The following MPPED1 variants were observed in gnomAD, a reference collection of about 807,000 sequenced individuals.
MPPED1 encodes metallophosphoesterase domain containing 1, also known as metallophosphoesterase domain-containing protein 1.
A neutral mutation model predicts 36.2 loss-of-function variants in MPPED1; 16 were observed. The ratio of observed to expected loss-of-function variants is 0.44; its 90% CI spans 0.30 to 0.67. The LOEUF is 0.67. Ranked by LOEUF, MPPED1 falls within the 30% of genes least tolerant of loss-of-function variation. MPPED1 has a pLI of 0.10. For missense variants in MPPED1, 307 were observed against 453.4 expected (o/e 0.68, Z 2.93); for synonymous variants, 199 against 191.3 (o/e 1.04, Z -0.33).
chr22:43,500,494 T>A (rs1222716503), intron 5 of MPPED1, among the ~76,000 whole-genome samples: 1 of 151,632 alleles, frequency 6.6e-6, no homozygotes, highest in African/African-American at 2.4e-5. Flanking sequence ...CCCCTTCCAG[T>A]CCACTCGCTT....
chr22:43,422,772 A>T (rs937748794), intron 1 of MPPED1, among the ~76,000 whole-genome samples: 1 of 152,190 alleles, frequency 6.6e-6, no homozygotes. Context: ...CCCACCAGGC[A>T]TTGTACTCAG....
intron 5 of MPPED1, among the ~76,000 whole-genome samples, chr22:43,500,401 T>TGGTGATGGCGATGG (rs1469962007): frequency 4.1e-5 from 6 of 145,306 alleles, no homozygotes; most frequent in Non-Finnish European, 7.6e-5. Context: ...ATGGAGGTGG[T>TGGTGATGGCGATGG]AGTGGTGGTG....
chr22:43,475,422 A>G (rs188195763), intron 4 of MPPED1, among the ~76,000 whole-genome samples: 6 of 36,750 alleles, frequency 1.6e-4, no homozygotes, highest in Non-Finnish European at 3.6e-4. Flanking sequence ...AAAAAGATGC[A>G]TATGTCAGGG....
chr22:43,460,266 C>CT (rs1220112295), intron 3 of MPPED1, among the ~76,000 whole-genome samples: 1 of 145,952 alleles, frequency 6.9e-6, no homozygotes, highest in African/African-American at 2.6e-5. Context: ...AACCCAAACC[C>CT]CCCCCCCCAA....
At chr22:43,491,719 TAAA>T (rs1244391109) in intron 4 of MPPED1, among the ~76,000 whole-genome samples, 9 of 134,120 alleles carry the variant, frequency 6.7e-5, no homozygotes, top group Non-Finnish European at 1.3e-4. Flanking sequence ...GTGGTGGTGA[TAAA>T]GATGATGCTG....
chr22:43,440,758 G>T (rs1335604383), intron 3 of MPPED1, among the ~76,000 whole-genome samples: 2 of 152,102 alleles, frequency 1.3e-5, no homozygotes, highest in Non-Finnish European at 1.5e-5. Flanking sequence ...TGAGGACCCT[G>T]CGCCACCCTT....
intron 1 of MPPED1, among the ~76,000 whole-genome samples, chr22:43,419,747 G>A (rs1258466831): frequency 2.0e-5 from 3 of 151,622 alleles, no homozygotes; most frequent in African/African-American, 2.4e-5. Context: ...GGGGTGGGGG[G>A]TGGTCAGAGA....
intron 1 of MPPED1, among the ~76,000 whole-genome samples, chr22:43,415,804 G>A (rs1433425596): frequency 1.3e-5 from 2 of 152,194 alleles, no homozygotes; most frequent in African/African-American, 4.8e-5. Flanking sequence ...TCTATAAAAT[G>A]TGACTTGTCT....
At chr22:43,499,292 TGTGATGGTGGTGGTGATAGAAGTG>T (rs1932539958) in intron 5 of MPPED1, among the ~76,000 whole-genome samples, 1 of 87,380 alleles carries the variant, frequency 1.1e-5, no homozygotes, top group Non-Finnish European at 2.5e-5. Context: ...TGGTGATGGA[TGTGATGGTGGTGGTGATAGAAGTG>T]GTGACGTGGG....
intron 2 of MPPED1, among the ~76,000 whole-genome samples, chr22:43,427,210 G>T (rs913704719): frequency 2.0e-5 from 3 of 152,184 alleles, no homozygotes; most frequent in African/African-American, 7.2e-5. Flanking sequence ...ACACACTTAG[G>T]GAGCTCCTAG....
intron 5 of MPPED1, among the ~76,000 whole-genome samples, chr22:43,500,211 G>A (rs1016571463): frequency 0.032 from 1,433 of 44,118 alleles, 14 homozygotes; most frequent in Non-Finnish European, 0.05. Flanking sequence ...AATGGAGGTG[G>A]TGGGGGTGAT....
At chr22:43,427,547 G>T (rs993061580) in intron 2 of MPPED1, among the ~76,000 whole-genome samples, 1 of 152,100 alleles carries the variant, frequency 6.6e-6, no homozygotes, top group African/African-American at 2.4e-5. Flanking sequence ...CCTGAGGGAG[G>T]GTGGTGAATG....
intron 4 of MPPED1, among the ~76,000 whole-genome samples, chr22:43,485,806 A>G (rs1053333094): frequency 1.3e-5 from 2 of 152,226 alleles, no homozygotes; most frequent in East Asian, 3.8e-4. Flanking sequence ...AGGAATGACA[A>G]AGGACCCTGT....
intron 4 of MPPED1, among the ~76,000 whole-genome samples, chr22:43,487,627 G>C (rs771060182): frequency 6.6e-6 from 1 of 152,178 alleles, no homozygotes; most frequent in Non-Finnish European, 1.5e-5. Flanking sequence ...AACTGGCAAG[G>C]GTCAGGGAGC....
chr22:43,418,188 G>A (rs374257081), intron 1 of MPPED1: 6 of 456,060 alleles, frequency 1.3e-5, no homozygotes, highest in Non-Finnish European at 8.8e-6. Context: ...CCTTCCAAAC[G>A]AGAGCACTTT....
intron 3 of MPPED1, among the ~76,000 whole-genome samples, chr22:43,440,295 G>A (rs914834261): frequency 3.9e-5 from 6 of 152,370 alleles, no homozygotes; most frequent in African/African-American, 7.2e-5. Flanking sequence ...AGTGATCTGA[G>A]AAGACTCAGG....
Position 43,502,451 on chromosome 22 carries a change from G to C in MPPED1, c.749-193G>C, listed in dbSNP as rs527411415. On this transcript the variant is annotated intron_variant, in intron 5 of 6. Transcript: ENST00000443721. This position sits in a 1 kb window ranked among gnomAD's most constrained non-coding sequence, Gnocchi z 5.5. Reference sequence around the variant, plus strand: ...TGGAGGAGGAGGGTGAGGCTGCAAGGTCCTGAATGGTTTCAGTCCCTGAAG... The same window carrying C: ...TGGAGGAGGAGGGTGAGGCTGCAAGCTCCTGAATGGTTTCAGTCCCTGAAG... 1.8e-4 allele frequency among the ~76,000 whole-genome samples: 28 copies of C among 152,328 alleles called. 1 individual carries two copies. In the South Asian group the frequency reaches 4.8e-3, roughly 26 times the overall value.
chr22:43,483,349 G>A (rs982956625), intron 4 of MPPED1, among the ~76,000 whole-genome samples: 2 of 152,236 alleles, frequency 1.3e-5, no homozygotes, highest in Non-Finnish European at 2.9e-5. Flanking sequence ...CACTGCAGAT[G>A]GGTGACAGTG....
intron 5 of MPPED1, 27 bp downstream of exon 5, chr22:43,498,377 A>G: frequency 6.6e-7 from 1 of 1,517,314 alleles, no homozygotes; most frequent in South Asian, 1.2e-5. Context: ...CTGGCCCTCC[A>G]GCTCGCCCAT....
Sources: allele counts gnomAD v4.1 joint callset (sites outside exome capture counted in the v4.1 genomes callset), GRCh38; gene constraint gnomAD v4.1.1; non-coding constraint Gnocchi (gnomAD v3.1); transcripts MANE v1.5; gene names NCBI Gene and HGNC (gene_info 2026-07-23, HGNC 2026-07-21).